PTPRG: variants seen among roughly 807,000 people sequenced by gnomAD.
PTPRG encodes protein tyrosine phosphatase receptor type G.
Under a neutral mutation model 165.3 loss-of-function variants are expected in PTPRG, and 102 were observed. That is an observed-to-expected ratio of 0.62 (90% CI 0.53 to 0.73). The LOEUF is 0.73. Among genes scored for constraint, PTPRG ranks in the 30% least tolerant of loss-of-function variants. The pLI is 0.00. For missense variants in PTPRG, 1,866 were observed against 1,861.4 expected (o/e 1.00, Z -0.05); for synonymous variants, 675 against 669.5 (o/e 1.01, Z -0.13).
At chr3:61,678,296 T>TA (rs1384938556) in intron 1 of PTPRG, among the ~76,000 whole-genome samples, 2 of 152,150 alleles carry the variant, frequency 1.3e-5, no homozygotes, top group Non-Finnish European at 2.9e-5. Context: ...CCGACGGGTT[T>TA]AAAAAAATGA....
At chr3:61,811,257 A>G (rs561971815) in intron 2 of PTPRG, among the ~76,000 whole-genome samples, 9 of 152,296 alleles carry the variant, frequency 5.9e-5, no homozygotes, top group South Asian at 2.1e-4. Flanking sequence ...TCTGCTAGGT[A>G]CCATGAGAAA....
At position 61,657,154 on chromosome 3, in the gene PTPRG, C is replaced by G. The variant is rs114162642; in HGVS notation, c.86-91724C>G. Among the ~76,000 whole-genome samples, 737 of 152,202 alleles carry G rather than the reference C, an allele frequency of 4.8e-3. 14 individuals carry two copies. The highest frequency in any genetic ancestry group is 0.017 in the African/African-American group (692 of 41,526). On this transcript the variant is annotated intron_variant, in intron 1 of 29. Transcript: ENST00000474889. Reference sequence around the variant, plus strand: ...TTGGAGGACAAAGGGGTATTATTGTCTACCGGTAATAAACTGTGGGGGTGG... The same window carrying G: ...TTGGAGGACAAAGGGGTATTATTGTGTACCGGTAATAAACTGTGGGGGTGG...
At chr3:61,711,139 T>C (rs1019817744) in intron 1 of PTPRG, among the ~76,000 whole-genome samples, 2 of 152,234 alleles carry the variant, frequency 1.3e-5, no homozygotes, top group African/African-American at 4.8e-5. Flanking sequence ...CCATGGTGTA[T>C]GTGTGCCACT....
At chr3:61,806,115 A>G (rs1431521550) in intron 2 of PTPRG, among the ~76,000 whole-genome samples, 1 of 152,186 alleles carries the variant, frequency 6.6e-6, no homozygotes, top group African/African-American at 2.4e-5. Flanking sequence ...AATATACTAA[A>G]TATAATTTTT....
intron 1 of PTPRG, among the ~76,000 whole-genome samples, chr3:61,675,542 G>T (rs927860373): frequency 5.9e-5 from 9 of 152,266 alleles, no homozygotes; most frequent in Non-Finnish European, 1.3e-4. Flanking sequence ...TAGGTAAACA[G>T]TCTTTTTTCC....
intron 1 of PTPRG, among the ~76,000 whole-genome samples, chr3:61,563,091 GCTGCT>G (rs1379054348): frequency 2.0e-5 from 3 of 151,662 alleles, no homozygotes; most frequent in Admixed American, 1.3e-4. Flanking sequence ...CTTTCCCTCC[GCTGCT>G]CTGCTCGATT....
chr3:61,799,540 T>C (rs2035170093), intron 2 of PTPRG, among the ~76,000 whole-genome samples: 1 of 152,214 alleles, frequency 6.6e-6, no homozygotes, highest in Non-Finnish European at 1.5e-5. Context: ...TGGTCACATA[T>C]TTCATAGAAT....
Position 61,967,878 on chromosome 3 carries a change from T to C in PTPRG, c.191-21747T>C, listed in dbSNP as rs182880887. 2.9e-3 allele frequency among the ~76,000 whole-genome samples: 435 copies of C among 152,316 alleles called. 3 individuals carry two copies. Among genetic ancestry groups the C allele is most frequent in the African/African-American group, 9.9e-3 (411 of 41,574 alleles). ...GCGTTTGTGAATATGTATTTGTGTATACACAACTGACTTCTAGATTTTCTC... is the reference window on the plus strand; with the variant it reads ...GCGTTTGTGAATATGTATTTGTGTACACACAACTGACTTCTAGATTTTCTC... On this transcript the variant is annotated intron_variant, in intron 2 of 29. Transcript: ENST00000474889.
chr3:62,139,932 C>T (rs989415595), intron 6 of PTPRG, among the ~76,000 whole-genome samples: 1 of 152,222 alleles, frequency 6.6e-6, no homozygotes, highest in African/African-American at 2.4e-5. Flanking sequence ...CAAGCATTTC[C>T]AGAGAGTGGA....
chr3:62,035,743 C>T (rs1042794001), intron 4 of PTPRG, among the ~76,000 whole-genome samples: 3 of 152,206 alleles, frequency 2.0e-5, no homozygotes, highest in African/African-American at 7.2e-5. Flanking sequence ...ATTTATCATT[C>T]TCTAATGGAG....
At chr3:61,943,136 A>C (rs566414583) in intron 2 of PTPRG, among the ~76,000 whole-genome samples, 39 of 152,320 alleles carry the variant, frequency 2.6e-4, no homozygotes, top group African/African-American at 8.9e-4. Flanking sequence ...TACCAAACAC[A>C]GAAAAATCCT....
chr3:61,681,054 T>TAAAAAAAAAAAAAAAAAAA (rs61198100), intron 1 of PTPRG, among the ~76,000 whole-genome samples: 2 of 66,104 alleles, frequency 3.0e-5, no homozygotes, highest in African/African-American at 1.1e-4. Flanking sequence ...CTTTATGTTC[T>TAAAAAAAAAAAAAAAAAAA]AAAAAAAAAA....
intron 2 of PTPRG, among the ~76,000 whole-genome samples, chr3:61,831,455 G>T (rs1179555913): frequency 6.6e-6 from 1 of 152,106 alleles, no homozygotes; most frequent in Non-Finnish European, 1.5e-5. Flanking sequence ...AAAATTGCAG[G>T]TGACACCTGT....
At chr3:61,567,658 C>G (rs1171922864) in intron 1 of PTPRG, among the ~76,000 whole-genome samples, 1 of 100,454 alleles carries the variant, frequency 1.0e-5, no homozygotes, top group East Asian at 2.8e-4. Context: ...ACAGTGAGAC[C>G]CTGTCTCAAA....
rs1575501741 is a variant in PTPRG at position 61,562,005 on chromosome 3, C to T, written c.-283C>T. The T allele has an allele frequency of 3.3e-6, 1 of 302,416 alleles. No homozygotes were observed. The allele number at this position is 302,416 out of a possible 1,614,324, so 18.7% of individuals were successfully genotyped here. ...TCGCCGCCGGCCGCCGACTCCGCGCCCTGCCCGATCGGCTCTCTCCTTTTT... is the reference window on the plus strand; with the variant it reads ...TCGCCGCCGGCCGCCGACTCCGCGCTCTGCCCGATCGGCTCTCTCCTTTTT... On this transcript the variant is annotated 5_prime_UTR_variant, in exon 1 of 30. Coordinates refer to ENST00000474889, the MANE Select transcript of PTPRG (RefSeq NM_002841.4).
At chr3:61,634,081 A>AT (rs1238436297) in intron 1 of PTPRG, among the ~76,000 whole-genome samples, 4 of 151,170 alleles carry the variant, frequency 2.6e-5, no homozygotes, top group Non-Finnish European at 4.4e-5. Flanking sequence ...TGTCTGGCTA[A>AT]TTTTTTTTAT....
intron 2 of PTPRG, among the ~76,000 whole-genome samples, chr3:61,848,060 A>G (rs2036855058): frequency 6.6e-6 from 1 of 152,194 alleles, no homozygotes; most frequent in Non-Finnish European, 1.5e-5. Context: ...ACTCTAGTTG[A>G]TGAGTGTTAG....
At position 62,107,541 on chromosome 3, in the gene PTPRG, A is replaced by G. The variant is rs556255844; in HGVS notation, c.616-25061A>G. On this transcript the variant is annotated intron_variant, in intron 5 of 29. Coordinates refer to ENST00000474889, the MANE Select transcript of PTPRG (RefSeq NM_002841.4). ...TAAATACCAGTGTATAAAATGGGTT[A>G]AGACCCCTCTGGAGATTTTTTTCCA... Among the ~76,000 whole-genome samples, 12 of 152,372 alleles carry G rather than the reference A, an allele frequency of 7.9e-5. No individual in the cohort carries two copies. In the South Asian group the frequency reaches 2.5e-3, roughly 32 times the overall value.
intron 4 of PTPRG, among the ~76,000 whole-genome samples, chr3:62,076,522 G>GT (rs1377099341): frequency 1.3e-5 from 2 of 150,508 alleles, no homozygotes; most frequent in African/African-American, 4.9e-5. Context: ...TTGTTTGTTT[G>GT]TTTTTTAATC....
Sources: gnomAD v4.1 joint callset for allele counts (sites outside exome capture counted in the v4.1 genomes callset) on GRCh38, gnomAD v4.1.1 for gene constraint, MANE v1.5 for transcripts, NCBI Gene and HGNC (gene_info 2026-07-23, HGNC 2026-07-21) for gene names.